Variants in PGAP3 observed in about 807,000 individuals in gnomAD.
The protein encoded by PGAP3 is post-GPI attachment to proteins phospholipase 3, also known as GPI-specific phospholipase A2-like PGAP3.
Under a neutral mutation model 40.3 loss-of-function variants are expected in PGAP3, and 31 were observed. The observed-to-expected ratio is 0.77, with a 90% CI of 0.58 to 1.04. The LOEUF is 1.04. Among genes scored for constraint, PGAP3 ranks in the 50% least tolerant of loss-of-function variants. PGAP3 has a pLI of 0.00. For missense variants in PGAP3, 413 were observed against 423.0 expected (o/e 0.98, Z 0.21); for synonymous variants, 191 against 184.5 (o/e 1.04, Z -0.29).
chr17:39,681,008 A>G (rs2057433054), intron 3 of PGAP3, among the ~76,000 whole-genome samples: 1 of 152,028 alleles, frequency 6.6e-6, no homozygotes, highest in South Asian at 2.1e-4. Context: ...GACTACGGGC[A>G]TGTGCCACCA....
chr17:39,684,124 C>CA (rs58205601), intron 3 of PGAP3, among the ~76,000 whole-genome samples: 5,373 of 64,272 alleles, frequency 0.084, 1,072 homozygotes, highest in African/African-American at 0.27. Context: ...GACTCTGTCT[C>CA]AAAAAAAAAA....
rs192616904 is a variant in PGAP3 at position 39,674,526 on chromosome 17, G to A, written c.495+91C>T. The A allele has an allele frequency of 3.5e-4, 469 of 1,356,104 alleles. 2 individuals carry two copies. The Admixed American group carries it at 6.6e-3, about 19-fold the overall frequency. 84.0% of individuals were successfully genotyped at this position (1,356,104 alleles called of 1,614,324 possible). A position where few individuals can be genotyped will look rare whatever the true frequency, so the allele number is the denominator to read the frequency against. ...TACTCCTCCCAGTGCTCCTCAGAGGGAGTTGGCATGACCCTCTAGAGCCCC... is the reference window on the plus strand; with the variant it reads ...TACTCCTCCCAGTGCTCCTCAGAGGAAGTTGGCATGACCCTCTAGAGCCCC... On this transcript the variant is annotated intron_variant, in intron 4 of 7. Coordinates refer to ENST00000300658, the MANE Select transcript of PGAP3 (RefSeq NM_033419.5).
intron 3 of PGAP3, among the ~76,000 whole-genome samples, chr17:39,677,565 A>G (rs540519805): frequency 2.4e-4 from 37 of 152,186 alleles, no homozygotes; most frequent in Admixed American, 1.0e-3. Context: ...CAAGATGCCA[A>G]GGCACGGCTA....
intron 1 of PGAP3, 29 bp from the exon 2 acceptor site, chr17:39,686,048 C>T (rs201174539): frequency 6.3e-7 from 1 of 1,584,466 alleles, no homozygotes; most frequent in Admixed American, 1.7e-5. Context: ...GCCTGGTGAA[C>T]TCCCCAGCAC....
At chr17:39,672,982 A>G in intron 7 of PGAP3, 69 bp downstream of exon 7, 1 of 1,577,546 alleles carries the variant, frequency 6.3e-7, no homozygotes, top group Non-Finnish European at 8.6e-7. Context: ...CAGAGCCCCC[A>G]ATCTCCCCTA....
chr17:39,686,092 G>C (rs907913112), intron 1 of PGAP3, 73 bp from the exon 2 acceptor site: 1 of 1,370,166 alleles, frequency 7.3e-7, no homozygotes, highest in Non-Finnish European at 1.0e-6. Context: ...TGGGGTCCAA[G>C]CGCAAATGTA....
At chr17:39,674,565 G>T in intron 4 of PGAP3, 52 bp downstream of exon 4, 1 of 1,510,968 alleles carries the variant, frequency 6.6e-7, no homozygotes. Flanking sequence ...GCCCACTTCT[G>T]GGCTCCTCTG....
chr17:39,683,029 T>A (rs961930507), intron 3 of PGAP3, among the ~76,000 whole-genome samples: 15 of 152,098 alleles, frequency 9.9e-5, no homozygotes, highest in Admixed American at 5.2e-4. Context: ...CGAGCCAAGA[T>A]AGCGCCACTG....
At position 39,672,761 on chromosome 17, in the gene PGAP3, C is replaced by CG. The variant is rs2057322836; in HGVS notation, c.*41dup. The CG allele has an allele frequency of 6.3e-7, 1 of 1,579,490 alleles. No homozygotes were observed. The highest frequency in any genetic ancestry group is 8.7e-7 in the Non-Finnish European group (1 of 1,149,150). On this transcript the variant is annotated 3_prime_UTR_variant, in exon 8 of 8. Coordinates refer to ENST00000300658, the MANE Select transcript of PGAP3 (RefSeq NM_033419.5). ...GAGGGGAGAAGGGAGGCCAGCAGGGCGGGGGCAGGATCCCCACTGGGGCAG... is the reference window on the plus strand; with the variant it reads ...GAGGGGAGAAGGGAGGCCAGCAGGGCGGGGGGCAGGATCCCCACTGGGGCAG...
At position 39,671,169 on chromosome 17, in the gene PGAP3, C is replaced by T. The variant is rs1054461918; in HGVS notation, c.*1634G>A. ...AAGCACATCCCTTGCCACCCTCCCA[C>T]CTTAAAAGTTTTCAGTATCAAAAGA... is the stretch of plus-strand genomic sequence containing the variant. On this transcript the variant is annotated 3_prime_UTR_variant, in exon 8 of 8. Coordinates refer to ENST00000300658, the MANE Select transcript of PGAP3 (RefSeq NM_033419.5). The T allele has an allele frequency of 1.3e-5, 2 of 152,496 alleles. No individual in the cohort carries two copies. The highest frequency in any genetic ancestry group is 2.4e-5 in the African/African-American group (1 of 41,572). 9.4% of individuals were successfully genotyped at this position (152,496 alleles called of 1,614,324 possible).
intron 1 of PGAP3, among the ~76,000 whole-genome samples, chr17:39,686,692 G>A (rs560031028): frequency 2.0e-4 from 31 of 151,312 alleles, no homozygotes; most frequent in African/African-American, 6.3e-4. Flanking sequence ...CCCAAGTAGC[G>A]AGACCACAAT....
At chr17:39,685,031 A>G (rs946964172) in intron 2 of PGAP3, 1 of 335,228 alleles carries the variant, frequency 3.0e-6, no homozygotes, top group South Asian at 6.6e-5. Flanking sequence ...GGCCTGGTGG[A>G]AACAGCACAG....
chr17:39,672,910 A>G, intron 7 of PGAP3, 44 bp from the exon 8 acceptor site: 4 of 1,603,658 alleles, frequency 2.5e-6, no homozygotes, highest in Non-Finnish European at 2.6e-6. Context: ...CAGCTCTGAC[A>G]GCTCGCATGG....
intron 1 of PGAP3, among the ~76,000 whole-genome samples, chr17:39,686,555 ATTTTTTTTT>A (rs35277523): frequency 1.0e-5 from 1 of 98,514 alleles, no homozygotes; most frequent in African/African-American, 4.2e-5. Flanking sequence ...CGCACCCGGC[ATTTTTTTTT>A]TTTTTTTTTT....
intron 6 of PGAP3, 104 bp from the exon 7 acceptor site, chr17:39,673,359 C>T: frequency 6.5e-7 from 1 of 1,544,552 alleles, no homozygotes; most frequent in South Asian, 1.2e-5. Flanking sequence ...CTCGGACTCT[C>T]CTCCCAGCCT....
Position 39,673,232 on chromosome 17 carries a change from GCCA to G in PGAP3, c.715_717del (p.Trp239del), listed in dbSNP as rs764179500. On this transcript the variant is annotated inframe_deletion, in exon 7 of 8. Transcript: ENST00000300658. ...CGCTGGTTCCACAGGCACCAGGCCAGCCACCACACCACGTTGACCAGGCCTGGG... is the reference window on the plus strand; with the variant it reads ...CGCTGGTTCCACAGGCACCAGGCCAGCCACACCACGTTGACCAGGCCTGGG... 1.3e-5 allele frequency: 21 copies of G among 1,562,794 alleles called. No individual in the cohort carries two copies. The highest frequency in any genetic ancestry group is 1.5e-5 in the Non-Finnish European group (17 of 1,153,766).
intron 3 of PGAP3, among the ~76,000 whole-genome samples, chr17:39,679,309 A>AC (rs1173464037): frequency 2.7e-5 from 4 of 150,390 alleles, no homozygotes; most frequent in Admixed American, 2.0e-4. Context: ...GGGAAGTGTG[A>AC]CCCCCCTCTC....
At chr17:39,685,809 AAC>A in intron 2 of PGAP3, 111 bp downstream of exon 2, 2 of 936,574 alleles carry the variant, frequency 2.1e-6, no homozygotes, top group Non-Finnish European at 1.6e-6. Flanking sequence ...AGCTGCCCCA[AAC>A]ACACACGCAT....
chr17:39,686,767 A>C (rs531509829), intron 1 of PGAP3, among the ~76,000 whole-genome samples: 1 of 151,954 alleles, frequency 6.6e-6, no homozygotes, highest in African/African-American at 2.4e-5. Flanking sequence ...GCTAGTCTTG[A>C]ACTCCAGGGC....
Sources: allele counts gnomAD v4.1 joint callset (sites outside exome capture counted in the v4.1 genomes callset), GRCh38; gene constraint gnomAD v4.1.1; transcripts MANE v1.5; gene names NCBI Gene and HGNC (gene_info 2026-07-23, HGNC 2026-07-21).